Variants in ZNF99 observed in about 807,000 individuals in gnomAD.
ZNF99 encodes the protein zinc finger protein ENSP00000375192.
Under a neutral mutation model 12.8 loss-of-function variants are expected in ZNF99, and 8 were observed. The observed-to-expected ratio is 0.62, with a 90% CI of 0.37 to 1.13. The LOEUF is 1.13. Among genes scored for constraint, ZNF99 ranks in the 50% most tolerant of loss-of-function variants. The pLI is 0.02. For synonymous variants in ZNF99, 318 were observed against 319.0 expected, an observed-to-expected ratio of 1.00 and a Z score of 0.03; for missense variants, 1,007 against 1,006.2, an observed-to-expected ratio of 1.00 and a Z score of -0.01.
In ZNF99 at chr19:22,753,065, T is replaced by C. The variant is rs1363767309; in HGVS notation, c.*4249A>G. The C allele has an allele frequency of 6.6e-6, 1 of 152,120 alleles. No individual in the cohort carries two copies. Among genetic ancestry groups the C allele is most frequent in the Non-Finnish European group, 1.5e-5 (1 of 67,964 alleles). 9.4% of individuals were successfully genotyped at this position (152,120 alleles called of 1,614,324 possible). A position where few individuals can be genotyped will look rare whatever the true frequency, so the allele number is the denominator to read the frequency against. On this transcript the variant is annotated 3_prime_UTR_variant, in exon 4 of 4. Coordinates refer to ENST00000596209, the MANE Select transcript of ZNF99 (RefSeq NM_001080409.3). ...ATGCAGCAACAATTGATCGCATGCT[T>C]TCACATGTAAATAAAGTAGGAATGA...
At chr19:22,769,870 CT>C (rs770512609) in intron 1 of ZNF99, 5 of 1,349,538 alleles carry the variant, frequency 3.7e-6, no homozygotes, top group East Asian at 9.3e-5. Flanking sequence ...AGACAAGATA[CT>C]TTTCTGGATA....
intron 1 of ZNF99, among the ~76,000 whole-genome samples, chr19:22,775,088 G>C (rs909995511): frequency 7.2e-5 from 11 of 152,190 alleles, no homozygotes; most frequent in Admixed American, 6.5e-4. Context: ...AACCATAAAA[G>C]AGCCTGAGTA....
In ZNF99 at chr19:22,784,088, A is replaced by G; in HGVS notation, c.-72T>C. The stretch of plus-strand genomic sequence containing the variant: ...ATACCTACAGGTCACAGGGCCACAG[A>G]GGCTAAGGACACAGAGCAGTAAAAA... On this transcript the variant is annotated 5_prime_UTR_variant, in exon 1 of 4. Transcript: ENST00000596209. The G allele has an allele frequency of 1.9e-6, 3 of 1,575,494 alleles. No individual in the cohort carries two copies. Among genetic ancestry groups the G allele is most frequent in the South Asian group, 1.1e-5 (1 of 89,614 alleles).
At chr19:22,782,733 G>A (rs1291143386) in intron 1 of ZNF99, among the ~76,000 whole-genome samples, 13 of 143,218 alleles carry the variant, frequency 9.1e-5, no homozygotes, top group African/African-American at 3.4e-4. Context: ...GTGCAGTGGC[G>A]CAATCTCAGC....
intron 1 of ZNF99, among the ~76,000 whole-genome samples, chr19:22,776,089 G>A (rs1973323069): frequency 6.6e-6 from 1 of 151,788 alleles, no homozygotes; most frequent in South Asian, 2.1e-4. Flanking sequence ...AAAGGCTCAC[G>A]CCTGTAATCC....
chr19:22,755,405 C>T lies in ZNF99; in HGVS notation c.*1909G>A. 3.4e-6 allele frequency: 1 copy of T among 295,842 alleles called. No homozygotes were observed. The highest frequency in any genetic ancestry group is 7.0e-6 in the Non-Finnish European group (1 of 143,836). 18.3% of individuals were successfully genotyped at this position (295,842 alleles called of 1,614,324 possible). A position where few individuals can be genotyped will look rare whatever the true frequency, so the allele number is the denominator to read the frequency against. ...TCTTCAGTATGAATTATCTTATGTT[C>T]AGTAAGGTTTGAGGACCAGTTAAAA... On this transcript the variant is annotated 3_prime_UTR_variant, in exon 4 of 4. Coordinates refer to ENST00000596209, the MANE Select transcript of ZNF99 (RefSeq NM_001080409.3).
At chr19:22,779,007 C>CCA (rs1973358372) in intron 1 of ZNF99, among the ~76,000 whole-genome samples, 3 of 128,444 alleles carry the variant, frequency 2.3e-5, no homozygotes, top group African/African-American at 8.5e-5. Context: ...AACTCTATCT[C>CCA]AAAAAAAAAA....
chr19:22,777,387 G>C (rs1240892857), intron 1 of ZNF99, among the ~76,000 whole-genome samples: 1 of 152,138 alleles, frequency 6.6e-6, no homozygotes, highest in Non-Finnish European at 1.5e-5. Context: ...TTCTAGTTAA[G>C]GGTGGAGGAC....
chr19:22,778,006 CCT>C (rs1973347500), intron 1 of ZNF99, among the ~76,000 whole-genome samples: 2 of 107,496 alleles, frequency 1.9e-5, no homozygotes. Flanking sequence ...CACACCAGGG[CCT>C]GTCGTGGGGT....
intron 1 of ZNF99, among the ~76,000 whole-genome samples, chr19:22,783,321 T>C (rs1283881361): frequency 6.6e-6 from 1 of 152,090 alleles, no homozygotes; most frequent in Admixed American, 6.6e-5. Context: ...CAAGTGCTTT[T>C]TTTTTTGTAA....
At chr19:22,783,122 A>T (rs1223835510) in intron 1 of ZNF99, among the ~76,000 whole-genome samples, 1 of 152,054 alleles carries the variant, frequency 6.6e-6, no homozygotes, top group African/African-American at 2.4e-5. Flanking sequence ...TCTACTAAAA[A>T]CACAAAAATT....
chr19:22,772,778 T>C (rs1973287067), intron 1 of ZNF99, among the ~76,000 whole-genome samples: 3 of 152,030 alleles, frequency 2.0e-5, no homozygotes, highest in African/African-American at 7.3e-5. Flanking sequence ...AGAAAGAAAG[T>C]TTTTCTTTTT....
At chr19:22,764,182 C>T (rs1973180812) in intron 3 of ZNF99, among the ~76,000 whole-genome samples, 1 of 152,076 alleles carries the variant, frequency 6.6e-6, no homozygotes, top group Admixed American at 6.5e-5. Flanking sequence ...GCTGGGATTA[C>T]AGGCATGAGC....
Position 22,758,298 on chromosome 19 carries a change from G to A in ZNF99, c.1611C>T (p.Tyr537=), listed in dbSNP as rs1458247128. 4 of 1,609,386 alleles carry A rather than the reference G, an allele frequency of 2.5e-6. No individual in the cohort carries two copies. Among genetic ancestry groups the A allele is most frequent in the Admixed American group, 1.7e-5 (1 of 59,828 alleles). ...AAGCTTTGCCACATTCTTCACATTTGTAGGGTTTCTTTCCAGTATGAATTA... is the reference window on the plus strand; with the variant it reads ...AAGCTTTGCCACATTCTTCACATTTATAGGGTTTCTTTCCAGTATGAATTA... ...HKIIHTGKKP[Y]KCEECGKAFN... Residue 537 remains tyrosine (Y), a synonymous_variant, in exon 4 of 4, where the codon TAC becomes TAT. Coordinates refer to ENST00000596209, the MANE Select transcript of ZNF99 (RefSeq NM_001080409.3).
intron 1 of ZNF99, among the ~76,000 whole-genome samples, chr19:22,778,516 T>C (rs1384645520): frequency 6.6e-6 from 1 of 152,102 alleles, no homozygotes; most frequent in African/African-American, 2.4e-5. Context: ...AAAAAGCCAG[T>C]CACAAACCCC....
chr19:22,780,913 A>G (rs910165407), intron 1 of ZNF99, among the ~76,000 whole-genome samples: 4 of 150,876 alleles, frequency 2.7e-5, no homozygotes, highest in African/African-American at 4.8e-5. Context: ...TGCATTTTCT[A>G]AAGCCAAAAT....
At position 22,757,220 on chromosome 19, in the gene ZNF99, C is replaced by A. The variant is rs763288095; in HGVS notation, c.*94G>T. ...TTCTTCACATTTGTATGGTTTCTTC[C>A]CAGTATAAATTATCTTATGTTTCCT... On this transcript the variant is annotated 3_prime_UTR_variant, in exon 4 of 4. Coordinates refer to ENST00000596209, the MANE Select transcript of ZNF99 (RefSeq NM_001080409.3). The A allele has an allele frequency of 6.3e-7, 1 of 1,587,814 alleles. No individual in the cohort carries two copies. Among genetic ancestry groups the A allele is most frequent in the South Asian group, 1.1e-5 (1 of 89,002 alleles).
intron 3 of ZNF99, among the ~76,000 whole-genome samples, chr19:22,761,816 G>T (rs1184315485): frequency 6.6e-6 from 1 of 152,054 alleles, no homozygotes; most frequent in Non-Finnish European, 1.5e-5. Context: ...AATAAAAGTG[G>T]AATTCAACTA....
chr19:22,769,586 T>G (rs2145151837), intron 1 of ZNF99, among the ~76,000 whole-genome samples: 1 of 152,014 alleles, frequency 6.6e-6, no homozygotes, highest in East Asian at 1.9e-4. Flanking sequence ...GCTAACACGG[T>G]GAAACCCCGT....
Sources: gnomAD v4.1 joint callset for allele counts (sites outside exome capture counted in the v4.1 genomes callset) on GRCh38, gnomAD v4.1.1 for gene constraint, MANE v1.5 for transcripts, NCBI Gene and HGNC (gene_info 2026-07-23, HGNC 2026-07-21) for gene names.